The following NYAP2 variants were observed in gnomAD, a reference collection of about 807,000 sequenced individuals.
NYAP2 encodes neuronal tyrosine-phosphorylated phosphoinositide-3-kinase adapter 2.
NYAP2 carries 23 observed loss-of-function variants against 50.4 expected under a neutral mutation model. The ratio of observed to expected loss-of-function variants is 0.46; its 90% CI spans 0.33 to 0.65. NYAP2 has a LOEUF of 0.65. NYAP2 is among the 30% of genes least tolerant of loss of function. The pLI is 0.02. For synonymous variants in NYAP2, 394 were observed against 365.2 expected (o/e 1.08, Z -0.90); for missense variants, 885 against 861.0 (o/e 1.03, Z -0.35).
chr2:225,673,491 A>G, the NYAP2 span, among the ~76,000 whole-genome samples: 2 of 152,276 alleles, frequency 1.3e-5, no homozygotes, highest in South Asian at 4.1e-4. Context: ...TATGAAGCAC[A>G]ATAAAGCAAA....
At chr2:225,430,459 T>A (rs887320559) in intron 3 of NYAP2, among the ~76,000 whole-genome samples, 1 of 152,226 alleles carries the variant, frequency 6.6e-6, no homozygotes, top group Non-Finnish European at 1.5e-5. Flanking sequence ...AAGTGATCTA[T>A]TCATGTATCA....
intron 3 of NYAP2, among the ~76,000 whole-genome samples, chr2:225,421,584 G>A (rs1156330149): frequency 6.6e-6 from 1 of 152,202 alleles, no homozygotes; most frequent in Admixed American, 6.5e-5. Flanking sequence ...CCTATACCAG[G>A]TTGGAAATTA....
the NYAP2 span, among the ~76,000 whole-genome samples, chr2:225,688,536 A>G: frequency 6.6e-6 from 1 of 152,202 alleles, no homozygotes; most frequent in Admixed American, 6.5e-5. Flanking sequence ...TTATATTTTT[A>G]GAAGTGTCCA....
intron 4 of NYAP2, among the ~76,000 whole-genome samples, chr2:225,540,451 GC>G (rs1172564257): frequency 2.6e-5 from 4 of 152,170 alleles, no homozygotes; most frequent in Admixed American, 2.6e-4. Context: ...AGACAAGAGA[GC>G]TTGTGCAGGA....
At chr2:225,652,667 A>G (rs537657410) in exon 7 of NYAP2, 1 of 152,214 alleles carries the variant, frequency 6.6e-6, no homozygotes, top group Non-Finnish European at 1.5e-5. Context: ...CTTTGCATTC[A>G]TGAAACTCTT....
chr2:225,617,873 T>C (rs1693016423), intron 5 of NYAP2, among the ~76,000 whole-genome samples: 1 of 152,204 alleles, frequency 6.6e-6, no homozygotes, highest in African/African-American at 2.4e-5. Flanking sequence ...AATAAGCTAT[T>C]ATCCTGGGTG....
chr2:225,439,130 T>G (rs1375096711), intron 3 of NYAP2, among the ~76,000 whole-genome samples: 1 of 152,134 alleles, frequency 6.6e-6, no homozygotes, highest in Non-Finnish European at 1.5e-5. Flanking sequence ...GGATCTTGGG[T>G]TAGGCTATGA....
At chr2:225,673,437 G>A in the NYAP2 span, among the ~76,000 whole-genome samples, 1 of 148,330 alleles carries the variant, frequency 6.7e-6, no homozygotes, top group East Asian at 2.0e-4. Context: ...CTTGACAGAG[G>A]GTTGCCTCAA....
Position 225,513,684 on chromosome 2 carries a change from C to A in NYAP2, c.523+12C>A. 6.7e-7 allele frequency: 1 copy of A among 1,489,284 alleles called. No homozygotes were observed. Among genetic ancestry groups the A allele is most frequent in the East Asian group, 2.4e-5 (1 of 41,788 alleles). The allele number at this position is 1,489,284 out of a possible 1,614,324, so 92.3% of individuals were successfully genotyped here. On this transcript the variant is annotated intron_variant, in intron 4 of 6. Transcript: ENST00000636099. The stretch of plus-strand genomic sequence containing the variant: ...TGAGAGGACTGAAGGTAAAACACGC[C>A]ATGTCCATGTCACCTAGAAATCTCT...
intron 3 of NYAP2, among the ~76,000 whole-genome samples, chr2:225,482,450 A>G (rs1169321283): frequency 1.3e-5 from 2 of 152,152 alleles, no homozygotes; most frequent in Non-Finnish European, 2.9e-5. Flanking sequence ...CAAAAATAAT[A>G]TATTCAATAT....
intron 5 of NYAP2, among the ~76,000 whole-genome samples, chr2:225,603,152 G>T (rs1354456758): frequency 6.6e-6 from 1 of 151,946 alleles, no homozygotes; most frequent in African/African-American, 2.4e-5. Context: ...CCTTGGTTAC[G>T]TTTATGCCTA....
chr2:225,510,201 C>T (rs2106183307), intron 3 of NYAP2, among the ~76,000 whole-genome samples: 2 of 152,310 alleles, frequency 1.3e-5, no homozygotes, highest in East Asian at 3.9e-4. Flanking sequence ...TTGTTTGTTA[C>T]TGCAGGATAA....
intron 5 of NYAP2, among the ~76,000 whole-genome samples, chr2:225,620,473 GCACA>G (rs1344010083): frequency 7.2e-6 from 1 of 139,048 alleles, no homozygotes; most frequent in Admixed American, 7.1e-5. Context: ...GCATGCACAC[GCACA>G]CGCACGCACG....
chr2:225,432,936 C>A (rs986650639), intron 3 of NYAP2, among the ~76,000 whole-genome samples: 17 of 152,138 alleles, frequency 1.1e-4, no homozygotes, highest in Non-Finnish European at 7.3e-5. Flanking sequence ...GCAGTATGAT[C>A]AAAAATTGTA....
At chr2:225,548,670 G>T (rs1691623529) in intron 4 of NYAP2, among the ~76,000 whole-genome samples, 1 of 151,980 alleles carries the variant, frequency 6.6e-6, no homozygotes, top group Admixed American at 6.6e-5. Flanking sequence ...CATCTGATAA[G>T]GAAGGGAATA....
chr2:225,472,143 A>G (rs540543057), intron 3 of NYAP2, among the ~76,000 whole-genome samples: 3 of 152,278 alleles, frequency 2.0e-5, no homozygotes, highest in Admixed American at 2.0e-4. Context: ...TGGGATCTGA[A>G]CCCACCCAAC....
intron 3 of NYAP2, among the ~76,000 whole-genome samples, chr2:225,481,394 C>G (rs745449784): frequency 3.9e-5 from 6 of 152,090 alleles, no homozygotes; most frequent in African/African-American, 9.7e-5. Flanking sequence ...TAATAATACT[C>G]TCTAAAGTCC....
At chr2:225,426,932 A>T (rs947877138) in intron 3 of NYAP2, among the ~76,000 whole-genome samples, 2 of 152,248 alleles carry the variant, frequency 1.3e-5, no homozygotes, top group African/African-American at 4.8e-5. Flanking sequence ...AATGTCATCC[A>T]AACAGGAAAA....
chr2:225,444,188 C>T (rs1258789129), intron 3 of NYAP2, among the ~76,000 whole-genome samples: 1 of 151,886 alleles, frequency 6.6e-6, no homozygotes, highest in Admixed American at 6.6e-5. Context: ...CGATGATTCC[C>T]AGAGAGATTT....
Sources: allele counts gnomAD v4.1 joint callset (sites outside exome capture counted in the v4.1 genomes callset), GRCh38; gene constraint gnomAD v4.1.1; transcripts MANE v1.5; gene names NCBI Gene and HGNC (gene_info 2026-07-23, HGNC 2026-07-21).